Variants in RBFOX1 observed in about 807,000 individuals in gnomAD.
RBFOX1 encodes RNA binding fox-1 homolog 1, also known as RNA binding protein fox-1 homolog 1.
In RBFOX1, 8 loss-of-function variants were observed where a neutral mutation model predicts 57.7. That is an observed-to-expected ratio of 0.14 (90% CI 0.08 to 0.25). The LOEUF (loss-of-function observed/expected upper bound fraction) is 0.25. Ranked by LOEUF, RBFOX1 falls within the 10% of genes least tolerant of loss-of-function variation. RBFOX1 has a pLI of 1.00. For missense variants in RBFOX1, 611 were observed against 548.5 expected, an observed-to-expected ratio of 1.11 and a Z score of -1.14; for synonymous variants, 326 against 222.4, an observed-to-expected ratio of 1.47 and a Z score of -4.15.
At chr16:7,610,891 G>T (rs1224462017) in intron 10 of RBFOX1, among the ~76,000 whole-genome samples, 1 of 152,092 alleles carries the variant, frequency 6.6e-6, no homozygotes, top group African/African-American at 2.4e-5. Context: ...AATTTATGGG[G>T]CATTTAAAAT....
chr16:7,069,079 C>G (rs993131787), intron 4 of RBFOX1, among the ~76,000 whole-genome samples: 1 of 152,196 alleles, frequency 6.6e-6, no homozygotes, highest in East Asian at 1.9e-4. Flanking sequence ...ATGTCTGTAG[C>G]AGATGGCATC....
intron 3 of RBFOX1, among the ~76,000 whole-genome samples, chr16:6,676,099 G>A (rs1027347016): frequency 1.3e-5 from 2 of 150,928 alleles, no homozygotes; most frequent in Non-Finnish European, 2.9e-5. Flanking sequence ...GTTATTATCA[G>A]AAGTAGGTAG....
chr16:6,227,098 T>C (rs1280324299), intron 1 of RBFOX1, among the ~76,000 whole-genome samples: 1 of 151,814 alleles, frequency 6.6e-6, no homozygotes, highest in Non-Finnish European at 1.5e-5. Context: ...AACTCCAGCG[T>C]AGGTGACAGG....
intron 4 of RBFOX1, among the ~76,000 whole-genome samples, chr16:6,009,816 C>CAGTGTGTGTGTGTGTGTG (rs1555469440): frequency 6.7e-6 from 1 of 148,418 alleles, no homozygotes; most frequent in Non-Finnish European, 1.5e-5. Context: ...GTGTGTGTGT[C>CAGTGTGTGTGTGTGTGTG]TGTGTGTGTG....
intron 1 of RBFOX1, among the ~76,000 whole-genome samples, chr16:5,288,272 G>T (rs1207071114): frequency 1.3e-5 from 2 of 150,532 alleles, no homozygotes; most frequent in Non-Finnish European, 3.0e-5. Flanking sequence ...ATAATTATTT[G>T]CATACCACAA....
intron 1 of RBFOX1, chr16:6,037,942 T>A (rs1419522318): frequency 6.6e-6 from 1 of 151,992 alleles, no homozygotes; most frequent in Non-Finnish European, 1.5e-5. Flanking sequence ...AGACTTGCAG[T>A]TTTGGTTCAG....
intron 3 of RBFOX1, among the ~76,000 whole-genome samples, chr16:6,726,442 T>C (rs547021892): frequency 6.6e-6 from 1 of 151,840 alleles, no homozygotes; most frequent in Non-Finnish European, 1.5e-5. Flanking sequence ...TCACGACTTG[T>C]CTTAAGATCT....
chr16:7,567,467 ATATATCCCTATGTATGGCCCTATATG>A lies in RBFOX1; in HGVS notation c.271-12284_271-12259del, dbSNP rs1567867074. Among the ~76,000 whole-genome samples, 9 of 123,948 alleles carry A rather than the reference ATATATCCCTATGTATGGCCCTATATG, an allele frequency of 7.3e-5. No homozygotes were observed. In the South Asian group the frequency reaches 1.0e-3, roughly 14 times the overall value. The allele number at this position is 123,948 out of a possible 152,430, so 81.3% of individuals were successfully genotyped here. ...TATATCCCTATGTATGGCCCTATAT[ATATATCCCTATGTATGGCCCTATATG>A]TATATCCCTATGTATGGCCCTATAT... On this transcript the variant is annotated intron_variant, in intron 5 of 15. Transcript: ENST00000550418.
At chr16:6,282,915 C>T (rs2076539783) in intron 1 of RBFOX1, among the ~76,000 whole-genome samples, 1 of 152,216 alleles carries the variant, frequency 6.6e-6, no homozygotes, top group African/African-American at 2.4e-5. Flanking sequence ...TTGATCCTTA[C>T]AACCTACTCA....
intron 3 of RBFOX1, among the ~76,000 whole-genome samples, chr16:6,959,052 C>G (rs2082412923): frequency 6.6e-6 from 1 of 152,126 alleles, no homozygotes; most frequent in Admixed American, 6.5e-5. Context: ...ACTTCACCAT[C>G]TAAGTAATAT....
intron 3 of RBFOX1, among the ~76,000 whole-genome samples, chr16:5,621,120 G>A (rs550894454): frequency 1.5e-4 from 23 of 152,118 alleles, no homozygotes; most frequent in African/African-American, 2.4e-4. Flanking sequence ...GATTACAGGC[G>A]TTGAGCCAAT....
chr16:5,905,542 T>A (rs1389026457), intron 4 of RBFOX1, among the ~76,000 whole-genome samples: 1 of 151,858 alleles, frequency 6.6e-6, no homozygotes, highest in Non-Finnish European at 1.5e-5. Context: ...TGAAACCGAA[T>A]CTCTACAAAA....
At chr16:6,152,725 G>A (rs1017562946) in intron 1 of RBFOX1, among the ~76,000 whole-genome samples, 1 of 151,982 alleles carries the variant, frequency 6.6e-6, no homozygotes, top group Non-Finnish European at 1.5e-5. Flanking sequence ...CTTCCACGTG[G>A]GCCCACAGAC....
At chr16:5,477,306 C>T (rs1406993985) in intron 2 of RBFOX1, among the ~76,000 whole-genome samples, 1 of 152,172 alleles carries the variant, frequency 6.6e-6, no homozygotes. Context: ...TGAAAAGTTG[C>T]ACTCAATGCG....
chr16:6,312,675 TCC>T (rs2080496687), intron 1 of RBFOX1, among the ~76,000 whole-genome samples: 1 of 147,418 alleles, frequency 6.8e-6, no homozygotes, highest in African/African-American at 2.5e-5. Flanking sequence ...CTTCCTTCCT[TCC>T]TTCCTTCCTT....
chr16:5,355,966 C>G (rs55662190), intron 1 of RBFOX1, among the ~76,000 whole-genome samples: 4,315 of 152,258 alleles, frequency 0.028, 216 homozygotes, highest in African/African-American at 0.098. Flanking sequence ...TGGCCCGTGC[C>G]TGTAATCTCA....
intron 4 of RBFOX1, among the ~76,000 whole-genome samples, chr16:7,496,406 G>A (rs1417391302): frequency 1.3e-5 from 2 of 152,204 alleles, no homozygotes; most frequent in Admixed American, 1.3e-4. Flanking sequence ...GCCTCCCAAA[G>A]TGTTGGGATT....
intron 2 of RBFOX1, among the ~76,000 whole-genome samples, chr16:6,430,519 C>T (rs183838928): frequency 1.1e-3 from 169 of 152,044 alleles, no homozygotes; most frequent in Non-Finnish European, 1.5e-3. Context: ...GAGAGAAGTG[C>T]GAAGACATGA....
chr16:7,047,152 T>C (rs1397825093), intron 3 of RBFOX1, among the ~76,000 whole-genome samples: 1 of 151,870 alleles, frequency 6.6e-6, no homozygotes, highest in Non-Finnish European at 1.5e-5. Context: ...CATTTCCAGC[T>C]CTTCCTTTCT....
Sources: allele counts gnomAD v4.1 joint callset (sites outside exome capture counted in the v4.1 genomes callset), GRCh38; gene constraint gnomAD v4.1.1; transcripts MANE v1.5; gene names NCBI Gene and HGNC (gene_info 2026-07-23, HGNC 2026-07-21).